Variants in LRMDA observed in about 807,000 individuals in gnomAD.
LRMDA encodes the protein leucine-rich melanocyte differentiation-associated protein.
In LRMDA, 18 loss-of-function variants were observed where a neutral mutation model predicts 29.8. The ratio of observed to expected loss-of-function variants is 0.60; its 90% CI spans 0.42 to 0.90. The LOEUF (loss-of-function observed/expected upper bound fraction) is 0.90, where lower values mean the gene tolerates loss of function less well. Ranked by LOEUF, LRMDA falls within the 40% of genes least tolerant of loss-of-function variation. LRMDA has a pLI of 0.00. For synonymous variants in LRMDA, 125 were observed against 109.4 expected (o/e 1.14, Z -0.89); for missense variants, 273 against 273.9 (o/e 1.00, Z 0.02).
At chr10:76,345,868 T>A (rs61700301) in intron 6 of LRMDA, among the ~76,000 whole-genome samples, 3,268 of 152,264 alleles carry the variant, frequency 0.021, 131 homozygotes, top group African/African-American at 0.073. Context: ...AAATTATATG[T>A]CTGTCAGGAA....
chr10:75,646,312 T>A (rs1564529976), intron 2 of LRMDA, among the ~76,000 whole-genome samples: 1 of 152,160 alleles, frequency 6.6e-6, no homozygotes, highest in Non-Finnish European at 1.5e-5. Context: ...CCAGCCTGGA[T>A]AGGCGCGGCC....
chr10:75,508,334 G>A (rs975537743), intron 2 of LRMDA, among the ~76,000 whole-genome samples: 3 of 152,152 alleles, frequency 2.0e-5, no homozygotes, highest in Non-Finnish European at 2.9e-5. Context: ...TCAACCACAG[G>A]AGAGTCAGAT....
intron 5 of LRMDA, among the ~76,000 whole-genome samples, chr10:76,096,976 G>C (rs893022029): frequency 1.3e-5 from 2 of 150,634 alleles, no homozygotes; most frequent in South Asian, 4.2e-4. Flanking sequence ...TTTTCAAATT[G>C]ACAATCATGT....
intron 4 of LRMDA, among the ~76,000 whole-genome samples, chr10:76,057,001 C>A (rs1159068072): frequency 1.3e-5 from 2 of 152,200 alleles, no homozygotes; most frequent in Non-Finnish European, 2.9e-5. Context: ...ATAATGAGAC[C>A]ACCTTACGAA....
chr10:75,906,197 A>T (rs908892381), intron 2 of LRMDA, among the ~76,000 whole-genome samples: 1 of 152,178 alleles, frequency 6.6e-6, no homozygotes, highest in Non-Finnish European at 1.5e-5. Flanking sequence ...CTCATACTTC[A>T]TGTGATCATT....
chr10:76,005,223 T>C (rs1191340582), intron 2 of LRMDA, among the ~76,000 whole-genome samples: 2 of 152,232 alleles, frequency 1.3e-5, no homozygotes, highest in African/African-American at 2.4e-5. Flanking sequence ...TACTGTACTA[T>C]GTGCTTTCTC....
chr10:76,454,279 C>T (rs1842435082), intron 6 of LRMDA, among the ~76,000 whole-genome samples: 1 of 152,162 alleles, frequency 6.6e-6, no homozygotes, highest in Non-Finnish European at 1.5e-5. Context: ...ATTCTAATCT[C>T]TACTGACGTG....
chr10:75,457,581 A>G (rs1159021437), intron 2 of LRMDA, among the ~76,000 whole-genome samples: 2 of 152,220 alleles, frequency 1.3e-5, no homozygotes, highest in Non-Finnish European at 2.9e-5. Flanking sequence ...GGAGGAGATA[A>G]AACTGTAGGC....
At chr10:76,430,496 G>A (rs1490362320) in intron 6 of LRMDA, among the ~76,000 whole-genome samples, 1 of 152,186 alleles carries the variant, frequency 6.6e-6, no homozygotes, top group Non-Finnish European at 1.5e-5. Flanking sequence ...TTAACCTTGT[G>A]ATTTATGGTA....
At chr10:75,606,789 G>A (rs1400045532) in intron 2 of LRMDA, among the ~76,000 whole-genome samples, 2 of 152,176 alleles carry the variant, frequency 1.3e-5, no homozygotes, top group African/African-American at 2.4e-5. Flanking sequence ...AGATCTGAGG[G>A]TATTTTTATG....
intron 6 of LRMDA, among the ~76,000 whole-genome samples, chr10:76,519,135 C>G (rs944411009): frequency 6.6e-6 from 1 of 151,916 alleles, no homozygotes; most frequent in Non-Finnish European, 1.5e-5. Flanking sequence ...GTGGTGAAAC[C>G]CCATCTCTAC....
chr10:75,835,616 G>T (rs1302503746), intron 2 of LRMDA, among the ~76,000 whole-genome samples: 1 of 152,118 alleles, frequency 6.6e-6, no homozygotes, highest in East Asian at 1.9e-4. Flanking sequence ...AACTAATCTG[G>T]GAGTCAGAAA....
chr10:75,961,847 C>G (rs1397904685), intron 2 of LRMDA, among the ~76,000 whole-genome samples: 6 of 152,202 alleles, frequency 3.9e-5, no homozygotes, highest in Admixed American at 2.6e-4. Context: ...TTCAAGATGT[C>G]AGTCGGGTTA....
intron 2 of LRMDA, among the ~76,000 whole-genome samples, chr10:75,852,329 A>G (rs1844745525): frequency 6.6e-6 from 1 of 152,206 alleles, no homozygotes; most frequent in Admixed American, 6.5e-5. Context: ...ATGAAGTGAC[A>G]CATAATTTTT....
intron 2 of LRMDA, among the ~76,000 whole-genome samples, chr10:75,443,710 G>T (rs560583051): frequency 6.6e-6 from 1 of 152,146 alleles, no homozygotes; most frequent in Non-Finnish European, 1.5e-5. Flanking sequence ...TGTTAAGTAC[G>T]TTTGAAAGTG....
chr10:76,019,310 C>T (rs769319355), intron 2 of LRMDA, among the ~76,000 whole-genome samples: 5 of 152,116 alleles, frequency 3.3e-5, no homozygotes, highest in Non-Finnish European at 7.4e-5. Context: ...TGTTAGCATA[C>T]CTGAATCCAT....
intron 5 of LRMDA, among the ~76,000 whole-genome samples, chr10:76,260,386 T>A (rs775371855): frequency 6.6e-6 from 1 of 152,226 alleles, no homozygotes; most frequent in Non-Finnish European, 1.5e-5. Flanking sequence ...TGGTGATGAA[T>A]CCACTTAGTT....
intron 2 of LRMDA, among the ~76,000 whole-genome samples, chr10:75,929,773 C>T (rs529639148): frequency 6.6e-6 from 1 of 152,270 alleles, no homozygotes; most frequent in Non-Finnish European, 1.5e-5. Flanking sequence ...ATAGCATGAC[C>T]AGGGCTTATC....
intron 5 of LRMDA, among the ~76,000 whole-genome samples, chr10:76,285,525 G>A (rs1840261536): frequency 6.6e-6 from 1 of 152,116 alleles, no homozygotes; most frequent in Non-Finnish European, 1.5e-5. Context: ...ACCCTCACAT[G>A]TTTTCATGCC....
Sources: gnomAD v4.1 joint callset for allele counts (sites outside exome capture counted in the v4.1 genomes callset) on GRCh38, gnomAD v4.1.1 for gene constraint, MANE v1.5 for transcripts, NCBI Gene and HGNC (gene_info 2026-07-23, HGNC 2026-07-21) for gene names.